KHDRBS3: variants seen among roughly 807,000 people sequenced by gnomAD.
KHDRBS3 encodes KH RNA binding domain containing, signal transduction associated 3, also known as KH domain-containing, RNA-binding, signal transduction-associated protein 3.
Under a neutral mutation model 45.6 loss-of-function variants are expected in KHDRBS3, and 23 were observed. That is an observed-to-expected ratio of 0.50 (90% CI 0.36 to 0.72). KHDRBS3 has a LOEUF of 0.72. Ranked by LOEUF, KHDRBS3 falls within the 30% of genes least tolerant of loss-of-function variation. The pLI is 0.00. For missense variants in KHDRBS3, 352 were observed against 424.8 expected (o/e 0.83, Z 1.51); for synonymous variants, 162 against 156.5 (o/e 1.04, Z -0.26).
intron 1 of KHDRBS3, among the ~76,000 whole-genome samples, chr8:135,468,773 G>A (rs1821829553): frequency 6.6e-6 from 1 of 152,202 alleles, no homozygotes; most frequent in Admixed American, 6.5e-5. Flanking sequence ...TTATTTGCAT[G>A]AATGAATTAA....
intron 1 of KHDRBS3, among the ~76,000 whole-genome samples, chr8:135,461,780 G>A (rs977730404): frequency 1.3e-5 from 2 of 152,188 alleles, no homozygotes; most frequent in African/African-American, 2.4e-5. Context: ...CTGGCTCACT[G>A]CCAAGTTACA....
At chr8:135,618,882 T>G (rs773865515) in intron 7 of KHDRBS3, among the ~76,000 whole-genome samples, 1 of 152,190 alleles carries the variant, frequency 6.6e-6, no homozygotes, top group Non-Finnish European at 1.5e-5. Context: ...TTTGTGATTG[T>G]GTTTTATGTG....
At chr8:135,517,082 A>T (rs1824648197) in intron 1 of KHDRBS3, among the ~76,000 whole-genome samples, 1 of 152,206 alleles carries the variant, frequency 6.6e-6, no homozygotes, top group African/African-American at 2.4e-5. Context: ...ATGAACAAAC[A>T]AAAAACAATA....
At chr8:135,507,161 G>C (rs1824044779) in intron 1 of KHDRBS3, among the ~76,000 whole-genome samples, 1 of 152,150 alleles carries the variant, frequency 6.6e-6, no homozygotes, top group African/African-American at 2.4e-5. Context: ...GGATCTAGTG[G>C]AATGCTTTTC....
At chr8:135,623,051 G>T (rs1299707891) in intron 7 of KHDRBS3, among the ~76,000 whole-genome samples, 1 of 152,070 alleles carries the variant, frequency 6.6e-6, no homozygotes, top group East Asian at 1.9e-4. Context: ...CATGTCCCCA[G>T]TATTTCAACC....
At chr8:135,488,956 T>C (rs905988971) in intron 1 of KHDRBS3, among the ~76,000 whole-genome samples, 2 of 152,206 alleles carry the variant, frequency 1.3e-5, no homozygotes, top group Non-Finnish European at 2.9e-5. Flanking sequence ...TTATTAGTTG[T>C]GCAATGTTGG....
intron 1 of KHDRBS3, among the ~76,000 whole-genome samples, chr8:135,462,067 C>T (rs536327399): frequency 2.6e-5 from 4 of 152,166 alleles, no homozygotes; most frequent in South Asian, 2.1e-4. Context: ...GAAAACATTT[C>T]GGATTTGCTT....
intron 7 of KHDRBS3, among the ~76,000 whole-genome samples, chr8:135,631,814 T>A (rs765152226): frequency 5.0e-4 from 76 of 152,276 alleles, no homozygotes; most frequent in Non-Finnish European, 5.0e-4. Context: ...ACTGGCATAG[T>A]CCTTTAATTT....
intron 5 of KHDRBS3, among the ~76,000 whole-genome samples, chr8:135,567,278 G>A (rs759728927): frequency 6.6e-6 from 1 of 151,940 alleles, no homozygotes; most frequent in South Asian, 2.1e-4. Context: ...GAATAAAGGC[G>A]TTCTCAGATG....
chr8:135,518,346 G>C (rs556039748), intron 1 of KHDRBS3, among the ~76,000 whole-genome samples: 1 of 152,082 alleles, frequency 6.6e-6, no homozygotes, highest in Admixed American at 6.5e-5. Context: ...CTAATTTTTT[G>C]TATTTTTTAG....
At chr8:135,642,327 C>T (rs529209974) in intron 7 of KHDRBS3, among the ~76,000 whole-genome samples, 1 of 152,328 alleles carries the variant, frequency 6.6e-6, no homozygotes, top group African/African-American at 2.4e-5. Context: ...GCAGATGGCT[C>T]AGCTTGGGCC....
intron 5 of KHDRBS3, among the ~76,000 whole-genome samples, chr8:135,570,217 A>G (rs1050549900): frequency 1.4e-4 from 21 of 152,202 alleles, no homozygotes; most frequent in Non-Finnish European, 2.5e-4. Flanking sequence ...GCCATTTGGA[A>G]TGTTTAAAGC....
intron 7 of KHDRBS3, among the ~76,000 whole-genome samples, chr8:135,620,748 C>G (rs1351192094): frequency 6.6e-6 from 1 of 152,136 alleles, no homozygotes; most frequent in African/African-American, 2.4e-5. Flanking sequence ...CAACAACCCT[C>G]GGTGATTCTC....
At chr8:135,533,311 C>T (rs1825574546) in intron 2 of KHDRBS3, among the ~76,000 whole-genome samples, 1 of 152,114 alleles carries the variant, frequency 6.6e-6, no homozygotes, top group Non-Finnish European at 1.5e-5. Context: ...TAGTACAACT[C>T]AGCCTTATAA....
chr8:135,646,767 G>A (rs576053116), intron 8 of KHDRBS3, among the ~76,000 whole-genome samples: 2 of 152,296 alleles, frequency 1.3e-5, no homozygotes, highest in South Asian at 2.1e-4. Flanking sequence ...TACAAGAACC[G>A]TTTATCTTCC....
rs753352687 is a variant in KHDRBS3, at chr8:135,625,232, C to A, written c.890+18195C>A. The A allele has an allele frequency of 2.2e-6, 3 of 1,388,126 alleles. No individual in the cohort carries two copies. In the East Asian group the frequency reaches 6.9e-5, roughly 32 times the overall value. 86.0% of individuals were successfully genotyped at this position (1,388,126 alleles called of 1,614,324 possible). A position where few individuals can be genotyped will look rare whatever the true frequency, so the allele number is the denominator to read the frequency against. On this transcript the variant is annotated intron_variant, in intron 7 of 8. Coordinates refer to ENST00000355849, the MANE Select transcript of KHDRBS3 (RefSeq NM_006558.3). ...TGTGGGCCTCCTTCATCAGATGTCA[C>A]AAAGCCTTCATCTGTGGCATACAGA...
At position 135,571,873 on chromosome 8, in the gene KHDRBS3, TAGAA is replaced by T. The variant is rs540765826; in HGVS notation, c.612-10001_612-9998del. On this transcript the variant is annotated intron_variant, in intron 5 of 8. Coordinates refer to ENST00000355849, the MANE Select transcript of KHDRBS3 (RefSeq NM_006558.3). ...AGTTCTTTCTTCAATAAAATGGAGA[TAGAA>T]AGATAAGCACACACTTCCAAATCCT... Among the ~76,000 whole-genome samples the T allele has an allele frequency of 6.2e-4, 95 of 152,244 alleles. 1 individual carries two copies. The highest frequency in any genetic ancestry group is 1.1e-3 in the Non-Finnish European group (78 of 68,014).
chr8:135,487,372 G>A (rs1822915909), intron 1 of KHDRBS3, among the ~76,000 whole-genome samples: 1 of 152,156 alleles, frequency 6.6e-6, no homozygotes, highest in East Asian at 1.9e-4. Flanking sequence ...CACATGGTGG[G>A]CTTTAAATGT....
chr8:135,630,792 C>T (rs752925622), intron 7 of KHDRBS3, among the ~76,000 whole-genome samples: 1 of 152,060 alleles, frequency 6.6e-6, no homozygotes, highest in Non-Finnish European at 1.5e-5. Flanking sequence ...AAAGATGGTA[C>T]ACCTGTATAA....
Sources: allele counts gnomAD v4.1 joint callset (sites outside exome capture counted in the v4.1 genomes callset), GRCh38; gene constraint gnomAD v4.1.1; transcripts MANE v1.5; gene names NCBI Gene and HGNC (gene_info 2026-07-23, HGNC 2026-07-21).